Variants in OR51E2 observed in about 807,000 individuals in gnomAD.
OR51E2 encodes the protein olfactory receptor 51E2.
In OR51E2, 14 loss-of-function variants were observed where a neutral mutation model predicts 13.7. The observed-to-expected ratio is 1.02, with a 90% CI of 0.68 to 1.60. OR51E2 has a LOEUF of 1.60. Among genes scored for constraint, OR51E2 ranks in the 40% most tolerant of loss-of-function variants. The pLI is 0.00. For synonymous variants in OR51E2, 180 were observed against 157.6 expected, an observed-to-expected ratio of 1.14 and a Z score of -1.07; for missense variants, 483 against 413.8, an observed-to-expected ratio of 1.17 and a Z score of -1.45.
chr11:4,694,036 G>A (rs1028447279), intron 1 of OR51E2, among the ~76,000 whole-genome samples: 2 of 152,014 alleles, frequency 1.3e-5, no homozygotes, highest in South Asian at 2.1e-4. Flanking sequence ...TAGTTCCTAC[G>A]CAATATCTGA....
chr11:4,682,004 G>C lies in OR51E2; in HGVS notation c.708C>G (p.Ala236=). The C allele has an allele frequency of 6.2e-7, 1 of 1,614,236 alleles. No individual in the cohort carries two copies. Among genetic ancestry groups the C allele is most frequent in the Non-Finnish European group, 8.5e-7 (1 of 1,180,050 alleles). The change falls in exon 2 of 2, where the codon GCC becomes GCG. Residue 236 remains alanine, a synonymous_variant. Transcript: ENST00000396950. ...QLPSKSERAK[A]FGTCVSHIGV... ...CAATGTGTGACACACAGGTTCCAAA[G>C]GCCTTGGCCCGCTCTGACTTGGAAG...
At chr11:4,694,744 G>C (rs1847635647) in intron 1 of OR51E2, among the ~76,000 whole-genome samples, 1 of 152,142 alleles carries the variant, frequency 6.6e-6, no homozygotes, top group African/African-American at 2.4e-5. Flanking sequence ...ACTAGTTGTA[G>C]AGTGTATAAG....
intron 1 of OR51E2, among the ~76,000 whole-genome samples, chr11:4,685,333 G>A (rs1465918804): frequency 2.0e-5 from 3 of 152,050 alleles, no homozygotes; most frequent in Non-Finnish European, 4.4e-5. Flanking sequence ...CAGGGCTCTC[G>A]ACAATCTGCT....
rs1847563481 is a variant in OR51E2 at position 4,690,476 on chromosome 11, A to G, written c.-51+7177T>C. On this transcript the variant is annotated intron_variant, in intron 1 of 1. Transcript: ENST00000396950. ...AGGGTGTTGGCAGGGACAGAAGGCA[A>G]CAACAGTTTGGACCCAACAGTGGTG... 3 of 172,736 alleles carry G rather than the reference A, an allele frequency of 1.7e-5. No homozygotes were observed. In the South Asian group the frequency reaches 3.9e-4, roughly 23 times the overall value. The allele number at this position is 172,736 out of a possible 1,614,324, so 10.7% of individuals were successfully genotyped here.
intron 1 of OR51E2, chr11:4,691,061 A>G: frequency 2.2e-6 from 1 of 456,752 alleles, no homozygotes; most frequent in Non-Finnish European, 4.4e-6. Flanking sequence ...GGAGGATGAG[A>G]AGTAAGTCTA....
Position 4,680,580 on chromosome 11 carries a change from C to T in OR51E2, c.*1169G>A, listed in dbSNP as rs1419218817. The T allele has an allele frequency of 6.6e-6, 1 of 152,638 alleles. No individual in the cohort carries two copies. Among genetic ancestry groups the T allele is most frequent in the Non-Finnish European group, 1.5e-5 (1 of 68,042 alleles). 9.5% of individuals were successfully genotyped at this position (152,638 alleles called of 1,614,324 possible). On this transcript the variant is annotated 3_prime_UTR_variant, in exon 2 of 2. Coordinates refer to ENST00000396950, the MANE Select transcript of OR51E2 (RefSeq NM_030774.4). Reference sequence around the variant, plus strand: ...TCAAATTTAATTTTAAATCTTGGCACAGTGCCCACAAGCCGTGTGACTTTA... The same window carrying T: ...TCAAATTTAATTTTAAATCTTGGCATAGTGCCCACAAGCCGTGTGACTTTA...
Position 4,680,713 on chromosome 11 carries a change from T to C in OR51E2, c.*1036A>G, listed in dbSNP as rs7101393. The C allele has an allele frequency of 6.6e-6, 1 of 152,570 alleles. No individual in the cohort carries two copies. 9.5% of individuals were successfully genotyped at this position (152,570 alleles called of 1,614,324 possible). A position where few individuals can be genotyped will look rare whatever the true frequency, so the allele number is the denominator to read the frequency against. On this transcript the variant is annotated 3_prime_UTR_variant, in exon 2 of 2. Coordinates refer to ENST00000396950, the MANE Select transcript of OR51E2 (RefSeq NM_030774.4). ...ACACATAAAACCTGTGAAGCACTTA[T>C]AATAGTGCCAGAACATTGTGAGCAC... is the stretch of plus-strand genomic sequence containing the variant.
intron 1 of OR51E2, among the ~76,000 whole-genome samples, chr11:4,688,095 G>A (rs1252179956): frequency 6.6e-6 from 1 of 152,104 alleles, no homozygotes; most frequent in Non-Finnish European, 1.5e-5. Context: ...TAGCATAAAT[G>A]GAACAAATTC....
intron 1 of OR51E2, chr11:4,691,241 C>T (rs1278279181): frequency 8.8e-6 from 4 of 456,836 alleles, no homozygotes; most frequent in South Asian, 4.6e-5. Flanking sequence ...GCATTAGGAG[C>T]CCCCTGATGA....
intron 1 of OR51E2, among the ~76,000 whole-genome samples, chr11:4,689,951 A>G (rs1847557564): frequency 6.7e-6 from 1 of 148,738 alleles, no homozygotes; most frequent in African/African-American, 2.4e-5. Flanking sequence ...AATTGCCTGA[A>G]CTTCTCTCTA....
intron 1 of OR51E2, among the ~76,000 whole-genome samples, chr11:4,694,575 T>C (rs12365577): frequency 0.13 from 19,707 of 147,852 alleles, 1,463 homozygotes; most frequent in Middle Eastern, 0.19. Flanking sequence ...CATATATATA[T>C]ACACACACAC....
At position 4,682,558 on chromosome 11, in the gene OR51E2, G is replaced by A. The variant is rs761789724; in HGVS notation, c.154C>T (p.Arg52Cys). ...AGGTACATCGGAGCGTGCAGGCTGCGTTCCGTCCTTACGATGAAGACCACG... is the reference window on the plus strand; with the variant it reads ...AGGTACATCGGAGCGTGCAGGCTGCATTCCGTCCTTACGATGAAGACCACG... ...CIVVFIVRTE[R>C]SLHAPMYLFL... The change falls in exon 2 of 2, where the codon CGC becomes TGC. Residue 52 changes from arginine (R) to cysteine (C), a missense_variant. Coordinates refer to ENST00000396950, the MANE Select transcript of OR51E2 (RefSeq NM_030774.4). 10 of 1,614,070 alleles carry A rather than the reference G, an allele frequency of 6.2e-6. 1 individual carries two copies. The Admixed American group carries it at 8.3e-5, about 13-fold the overall frequency.
chr11:4,693,982 G>C (rs1847620415), intron 1 of OR51E2, among the ~76,000 whole-genome samples: 1 of 152,296 alleles, frequency 6.6e-6, no homozygotes, highest in Non-Finnish European at 1.5e-5. Flanking sequence ...TGAAAGTACA[G>C]AGGGGCTCCA....
chr11:4,695,046 C>A (rs1847639127), intron 1 of OR51E2, among the ~76,000 whole-genome samples: 1 of 151,998 alleles, frequency 6.6e-6, no homozygotes, highest in Admixed American at 6.6e-5. Context: ...AGGGGTATAT[C>A]GAAGTCTTAA....
In OR51E2 at chr11:4,682,398, G is replaced by T. The variant is rs1311799528; in HGVS notation, c.314C>A (p.Ala105Asp). 1.9e-6 allele frequency: 3 copies of T among 1,614,056 alleles called. No homozygotes were observed. Among genetic ancestry groups the T allele is most frequent in the African/African-American group, 2.7e-5 (2 of 74,934 alleles). The change falls in exon 2 of 2, where the codon GCC becomes GAC. Residue 105 changes from alanine (A) to aspartate (D), a missense_variant. By Grantham distance (126) the Ala-to-Asp change is moderately radical. Coordinates refer to ENST00000396950, the MANE Select transcript of OR51E2 (RefSeq NM_030774.4). ...GATGGTGGATTCAATGGCTGAGAGG[G>T]CATGAATAAAGAACATCTGGGTAAG... The part of the protein sequence containing the change: ...ACLTQMFFIH[A>D]LSAIESTILL...
intron 1 of OR51E2, among the ~76,000 whole-genome samples, chr11:4,694,577 C>T (rs12284767): frequency 0.31 from 31,385 of 99,636 alleles, 3,532 homozygotes; most frequent in Middle Eastern, 0.34. Context: ...TATATATATA[C>T]ACACACACAC....
rs2133242776 is a variant in OR51E2 at position 4,680,530 on chromosome 11, G to T, written c.*1219C>A. 1 of 152,740 alleles carries T rather than the reference G, an allele frequency of 6.5e-6. No homozygotes were observed. The highest frequency in any genetic ancestry group is 2.1e-4 in the South Asian group (1 of 4,822). The allele number at this position is 152,740 out of a possible 1,614,324, so 9.5% of individuals were successfully genotyped here. A position where few individuals can be genotyped will look rare whatever the true frequency, so the allele number is the denominator to read the frequency against. On this transcript the variant is annotated 3_prime_UTR_variant, in exon 2 of 2. Transcript: ENST00000396950. ...GTTACACAGGAAGCAATATAACATG[G>T]TCATTAAGTAACTGTATTCAACCAT...
chr11:4,685,634 A>G (rs375722879), intron 1 of OR51E2: 4 of 152,362 alleles, frequency 2.6e-5, no homozygotes, highest in South Asian at 4.1e-4. Context: ...CCCAGATGAT[A>G]TGACAGCTTT....
intron 1 of OR51E2, among the ~76,000 whole-genome samples, chr11:4,688,800 T>C (rs11033343): frequency 0.036 from 5,540 of 152,156 alleles, 351 homozygotes; most frequent in African/African-American, 0.12. Context: ...GAAGAAAGGG[T>C]CACCAGGATT....
Sources: allele counts gnomAD v4.1 joint callset (sites outside exome capture counted in the v4.1 genomes callset), GRCh38; gene constraint gnomAD v4.1.1; transcripts MANE v1.5; gene names NCBI Gene and HGNC (gene_info 2026-07-23, HGNC 2026-07-21).